Variants in TFPI observed in about 807,000 individuals in gnomAD.
The protein encoded by TFPI is tissue factor pathway inhibitor.
In TFPI, 15 loss-of-function variants were observed where a neutral mutation model predicts 34.6. The ratio of observed to expected loss-of-function variants is 0.43; its 90% confidence interval spans 0.29 to 0.67. TFPI has a LOEUF of 0.67. Among genes scored for constraint, TFPI ranks in the 30% least tolerant of loss-of-function variants. The probability of loss-of-function intolerance (pLI) is 0.15; values close to 1 mark genes in which losing one functional copy is unlikely to be tolerated. For synonymous variants in TFPI, 105 were observed against 120.1 expected, an observed-to-expected ratio of 0.87 and a Z score of 0.82; for missense variants, 301 against 364.0, an observed-to-expected ratio of 0.83 and a Z score of 1.41.
rs1482338722 is a variant in TFPI, at chr2:187,484,201, A to T, written c.551T>A (p.Val184Glu). Residue 184 changes from valine to glutamate, a missense_variant, in exon 6 of 8, where the codon GTG (valine) becomes GAG (glutamate). Physicochemically the swap from Val to Glu is moderately radical, Grantham distance 121. Coordinates refer to ENST00000233156, the MANE Select transcript of TFPI (RefSeq NM_006287.6). ...ICEDGPNGFQ[V>E]DNYGTQLNAV... ...ATTGAGCTGGGTTCCATAATTATCC[A>T]CCTGGAAACCATTCGCTGGAAAAAA... 6.2e-7 allele frequency: 1 copy of T among 1,611,170 alleles called. No individual in the cohort carries two copies. The highest frequency in any genetic ancestry group is 8.5e-7 in the Non-Finnish European group (1 of 1,178,394).
chr2:187,548,086 C>G (rs759609825), intron 1 of TFPI, among the ~76,000 whole-genome samples: 1 of 151,798 alleles, frequency 6.6e-6, no homozygotes, highest in African/African-American at 2.4e-5. Flanking sequence ...CATTAAAGGA[C>G]AGAGTTATAC....
chr2:187,517,613 T>G (rs1687095728), intron 1 of TFPI: 1 of 152,226 alleles, frequency 6.6e-6, no homozygotes, highest in Non-Finnish European at 1.5e-5. Context: ...AGAATGTATA[T>G]TCTGTTGATT....
intron 1 of TFPI, among the ~76,000 whole-genome samples, chr2:187,521,728 C>T (rs1687384996): frequency 1.3e-5 from 2 of 151,968 alleles, no homozygotes; most frequent in South Asian, 4.2e-4. Context: ...GCCACCATGC[C>T]TGGCTAATTT....
intron 1 of TFPI, among the ~76,000 whole-genome samples, chr2:187,522,742 A>AC (rs1280102972): frequency 4.0e-5 from 6 of 148,816 alleles, no homozygotes; most frequent in African/African-American, 1.5e-4. Flanking sequence ...AAAAAAAAAA[A>AC]AACCCAGGCA....
At chr2:187,533,184 C>T (rs1688059867) in intron 1 of TFPI, among the ~76,000 whole-genome samples, 1 of 152,168 alleles carries the variant, frequency 6.6e-6, no homozygotes. Flanking sequence ...GAGCGAGCAG[C>T]GGATATCCCA....
At chr2:187,492,542 A>G (rs1351165858) in intron 3 of TFPI, among the ~76,000 whole-genome samples, 1 of 152,212 alleles carries the variant, frequency 6.6e-6, no homozygotes, top group African/African-American at 2.4e-5. Context: ...TGTTACAACC[A>G]GGAGGGAGGC....
At chr2:187,482,671 G>C (rs963452496) in intron 6 of TFPI, among the ~76,000 whole-genome samples, 2 of 151,896 alleles carry the variant, frequency 1.3e-5, no homozygotes, top group Non-Finnish European at 2.9e-5. Context: ...ATTAATACCT[G>C]AGACAGCCAT....
intron 1 of TFPI, chr2:187,516,213 G>T (rs962811898): frequency 6.6e-6 from 1 of 152,182 alleles, no homozygotes; most frequent in African/African-American, 2.4e-5. Context: ...GAAGTAGTCT[G>T]TGGAAAATTT....
chr2:187,496,914 T>G lies in TFPI; in HGVS notation c.286A>C (p.Ser96Arg). ...GCEGNQNRFE[S>R]LEECKKMCTR... The stretch of plus-strand genomic sequence containing the variant: ...CACATTTTTTTGCACTCTTCCAGAC[T>G]TTCAAATCGATTCTGATTTCCTTCA... The change falls in exon 3 of 8, where the codon AGT becomes CGT. Residue 96 changes from serine to arginine, a missense_variant. By Grantham distance (110) the Ser-to-Arg change is moderately radical. Transcript: ENST00000233156. 1 of 1,613,244 alleles carries G rather than the reference T, an allele frequency of 6.2e-7. No homozygotes were observed. Among genetic ancestry groups the G allele is most frequent in the South Asian group, 1.1e-5 (1 of 91,064 alleles).
intron 6 of TFPI, among the ~76,000 whole-genome samples, chr2:187,468,289 AC>A (rs899589672): frequency 2.7e-5 from 4 of 150,858 alleles, no homozygotes; most frequent in Non-Finnish European, 4.4e-5. Context: ...ACACACACAC[AC>A]ATCACACATA....
At chr2:187,490,596 C>T (rs1685053557) in intron 3 of TFPI, among the ~76,000 whole-genome samples, 1 of 151,532 alleles carries the variant, frequency 6.6e-6, no homozygotes, top group South Asian at 2.1e-4. Context: ...TTTAATCTCT[C>T]TGTCCTTATT....
intron 1 of TFPI, among the ~76,000 whole-genome samples, chr2:187,539,386 T>C (rs1688448815): frequency 6.6e-6 from 1 of 152,102 alleles, no homozygotes; most frequent in South Asian, 2.1e-4. Flanking sequence ...AAAAATGAGA[T>C]GGATAGAATG....
At chr2:187,512,816 T>C (rs1686739168) in intron 1 of TFPI, among the ~76,000 whole-genome samples, 1 of 152,176 alleles carries the variant, frequency 6.6e-6, no homozygotes, top group Admixed American at 6.5e-5. Flanking sequence ...TGTTATATGG[T>C]AAATTCTTAT....
chr2:187,484,284 C>T (rs946472132), intron 5 of TFPI, 68 bp from the exon 6 acceptor site: 23 of 1,345,686 alleles, frequency 1.7e-5, no homozygotes, highest in East Asian at 1.2e-4. Flanking sequence ...ACTCATGAAG[C>T]GTACAACAGT....
At chr2:187,492,167 C>T (rs968213719) in intron 3 of TFPI, among the ~76,000 whole-genome samples, 3 of 152,148 alleles carry the variant, frequency 2.0e-5, no homozygotes, top group Non-Finnish European at 4.4e-5. Flanking sequence ...TCTGATACTT[C>T]TTTGGCTGTG....
At chr2:187,529,484 T>C (rs905445867) in intron 1 of TFPI, 2 of 152,234 alleles carry the variant, frequency 1.3e-5, no homozygotes, top group Admixed American at 1.3e-4. Flanking sequence ...GCCTTTCCTG[T>C]CCTGTGTGCA....
chr2:187,498,228 T>C (rs8176444), intron 2 of TFPI, among the ~76,000 whole-genome samples: 11,351 of 151,850 alleles, frequency 0.075, 542 homozygotes, highest in African/African-American at 0.13. Flanking sequence ...CAGGATAAGT[T>C]TTTGGAGTAT....
chr2:187,498,540 A>G (rs1685640764), intron 2 of TFPI, among the ~76,000 whole-genome samples: 1 of 151,872 alleles, frequency 6.6e-6, no homozygotes, highest in Non-Finnish European at 1.5e-5. Flanking sequence ...AGCTTTCTAT[A>G]CATAAGTTGG....
chr2:187,528,262 T>C (rs922066687), intron 1 of TFPI, among the ~76,000 whole-genome samples: 3 of 152,118 alleles, frequency 2.0e-5, no homozygotes, highest in African/African-American at 4.8e-5. Context: ...CAGCTGGGAA[T>C]AGGGCAAAGA....
Sources: allele counts gnomAD v4.1 joint callset (sites outside exome capture counted in the v4.1 genomes callset), GRCh38; gene constraint gnomAD v4.1.1; transcripts MANE v1.5; gene names NCBI Gene and HGNC (gene_info 2026-07-23, HGNC 2026-07-21).